Variants in HSPA9 observed in about 807,000 individuals in gnomAD.
HSPA9 encodes stress-70 protein, mitochondrial.
A neutral mutation model predicts 81.5 loss-of-function variants in HSPA9; 28 were observed. That is an observed-to-expected ratio of 0.34 (90% CI 0.25 to 0.47). The LOEUF is 0.47. HSPA9 is among the 20% of genes least tolerant of loss of function. HSPA9 has a pLI of 1.00. For missense variants in HSPA9, 678 were observed against 838.0 expected, an observed-to-expected ratio of 0.81 and a Z score of 2.36; for synonymous variants, 293 against 290.4, an observed-to-expected ratio of 1.01 and a Z score of -0.09.
rs764444308 is a variant in HSPA9, at chr5:138,575,209, C to A, written c.81+29G>T. On this transcript the variant is annotated intron_variant, in intron 1 of 16. Coordinates refer to ENST00000297185, the MANE Select transcript of HSPA9 (RefSeq NM_004134.7). ...CGAGGCCCAAGGCCCGAGGCCGTGA[C>A]CCCATTCGGGAAGGTCCCAGTTCCT... 3.9e-6 allele frequency: 6 copies of A among 1,533,388 alleles called. No individual in the cohort carries two copies. The South Asian group carries it at 7.0e-5, about 18-fold the overall frequency. The allele number at this position is 1,533,388 out of a possible 1,614,324, so 95.0% of individuals were successfully genotyped here. A position where few individuals can be genotyped will look rare whatever the true frequency, so the allele number is the denominator to read the frequency against.
intron 9 of HSPA9, among the ~76,000 whole-genome samples, chr5:138,562,987 T>G (rs570449535): frequency 6.6e-6 from 1 of 152,344 alleles, no homozygotes; most frequent in East Asian, 1.9e-4. Context: ...CATGGGATCT[T>G]ACAGTGTGTA....
Position 138,556,937 on chromosome 5 carries a change from C to T in HSPA9, c.1729-71G>A, listed in dbSNP as rs1561856320. ...AGTTTGCTGAATGTCTATACTCAGA[C>T]AATAAGCTATGTGTTACATACAGTT... On this transcript the variant is annotated intron_variant, in intron 14 of 16. Transcript: ENST00000297185. 2.0e-5 allele frequency: 20 copies of T among 1,011,354 alleles called. No individual in the cohort carries two copies. In the South Asian group the frequency reaches 2.2e-4, roughly 11 times the overall value. The allele number at this position is 1,011,354 out of a possible 1,614,324, so 62.6% of individuals were successfully genotyped here. A position where few individuals can be genotyped will look rare whatever the true frequency, so the allele number is the denominator to read the frequency against.
At chr5:138,561,921 T>A (rs1750668625) in intron 9 of HSPA9, 132 bp from the exon 10 acceptor site, 1 of 751,592 alleles carries the variant, frequency 1.3e-6, no homozygotes, top group Non-Finnish European at 2.4e-6. Context: ...AGATCTAATT[T>A]AAATGAATAG....
intron 9 of HSPA9, among the ~76,000 whole-genome samples, chr5:138,566,162 T>C (rs1281732042): frequency 8.4e-6 from 1 of 119,470 alleles, no homozygotes; most frequent in Non-Finnish European, 1.6e-5. Flanking sequence ...CACTGTAGCC[T>C]GGGCAACAGG....
intron 9 of HSPA9, among the ~76,000 whole-genome samples, chr5:138,563,817 A>G (rs181662025): frequency 5.5e-4 from 84 of 152,370 alleles, no homozygotes; most frequent in African/African-American, 1.9e-3. Flanking sequence ...GTATTTTAAG[A>G]AAGTTTACAA....
At chr5:138,563,074 C>T (rs1262536640) in intron 9 of HSPA9, among the ~76,000 whole-genome samples, 1 of 152,214 alleles carries the variant, frequency 6.6e-6, no homozygotes, top group Non-Finnish European at 1.5e-5. Context: ...ATAGAGTTAA[C>T]ACACCATCTG....
At chr5:138,561,312 A>G (rs765241432) in intron 10 of HSPA9, among the ~76,000 whole-genome samples, 7 of 152,020 alleles carry the variant, frequency 4.6e-5, no homozygotes, top group Non-Finnish European at 7.4e-5. Context: ...TCATACATAC[A>G]TACATACATA....
At chr5:138,568,716 A>G (rs1022704480) in intron 5 of HSPA9, among the ~76,000 whole-genome samples, 3 of 152,202 alleles carry the variant, frequency 2.0e-5, no homozygotes, top group South Asian at 2.1e-4. Flanking sequence ...ACTGGAAAAA[A>G]AGAAACAAGC....
chr5:138,564,340 G>T (rs745910933), intron 9 of HSPA9, among the ~76,000 whole-genome samples: 1 of 152,238 alleles, frequency 6.6e-6, no homozygotes, highest in Non-Finnish European at 1.5e-5. Flanking sequence ...CTGACCTCAA[G>T]TGATTCACCG....
At chr5:138,568,883 T>A in intron 5 of HSPA9, 42 bp downstream of exon 5, 2 of 1,606,742 alleles carry the variant, frequency 1.2e-6, no homozygotes, top group Middle Eastern at 1.7e-4. Flanking sequence ...ACAGGAATCA[T>A]TGTTCTTAGA....
intron 10 of HSPA9, chr5:138,560,830 A>G (rs374029557): frequency 5.9e-5 from 25 of 425,906 alleles, no homozygotes; most frequent in African/African-American, 3.7e-4. Context: ...TTACAGGCGT[A>G]AGCCACTGTA....
intron 1 of HSPA9, 154 bp downstream of exon 1, chr5:138,575,084 C>T (rs1751058232): frequency 6.3e-6 from 4 of 630,810 alleles, no homozygotes; most frequent in South Asian, 1.9e-5. Flanking sequence ...AATCTTGACC[C>T]GGCAGCGCTA....
chr5:138,557,349 T>C (rs1750550688), intron 14 of HSPA9, 53 bp downstream of exon 14: 6 of 1,252,086 alleles, frequency 4.8e-6, no homozygotes, highest in South Asian at 3.7e-5. Flanking sequence ...AAACTCCCAC[T>C]GTCAAGACTG....
chr5:138,567,482 T>C lies in HSPA9; in HGVS notation c.689A>G (p.Tyr230Cys). The C allele has an allele frequency of 6.2e-7, 1 of 1,613,922 alleles. No individual in the cohort carries two copies. The change falls in exon 7 of 17, where the codon TAT becomes TGT. Residue 230 changes from tyrosine (Y) to cysteine (C), a missense_variant. Transcript: ENST00000297185. ...INEPTAAALA[Y>C]GLDKSEDKVI... is the part of the protein sequence containing the mutation. ...TTTGTCTTCTGATTTGTCTAGACCA[T>C]AGGCAAGAGCAGCAGCTGTGGGCTC...
At position 138,568,964 on chromosome 5, in the gene HSPA9, T is replaced by A. The variant is rs1750823075; in HGVS notation, c.496A>T (p.Ile166Phe). The A allele has an allele frequency of 6.2e-7, 1 of 1,613,860 alleles. No homozygotes were observed. The highest frequency in any genetic ancestry group is 1.3e-5 in the African/African-American group (1 of 74,906). Residue 166 changes from isoleucine (I) to phenylalanine (F), a missense_variant, in exon 5 of 17, where the codon ATT (isoleucine) becomes TTT (phenylalanine). Transcript: ENST00000297185. The stretch of plus-strand genomic sequence containing the variant: ...ATCTTCATCAACACAAATGCTCCAA[T>A]CTGACTCGGAGAATACAATTTCCCA... ...AHGKLYSPSQ[I>F]GAFVLMKMKE... is the part of the protein sequence containing the mutation.
In HSPA9 at chr5:138,557,056, A is replaced by G. The variant is rs2127152691; in HGVS notation, c.1729-190T>C. The G allele has an allele frequency of 4.7e-6, 3 of 640,128 alleles. No individual in the cohort carries two copies. In the East Asian group the frequency reaches 8.2e-5, roughly 18 times the overall value. The allele number at this position is 640,128 out of a possible 1,614,324, so 39.7% of individuals were successfully genotyped here. ...GATTTGGGCTAGATTTTGTAACATCAGAATTGTGACAGGGAAAACAGAAGA... is the reference window on the plus strand; with the variant it reads ...GATTTGGGCTAGATTTTGTAACATCGGAATTGTGACAGGGAAAACAGAAGA... On this transcript the variant is annotated intron_variant, in intron 14 of 16. Transcript: ENST00000297185.
chr5:138,570,130 G>A (rs1308571432), intron 4 of HSPA9, among the ~76,000 whole-genome samples: 1 of 151,976 alleles, frequency 6.6e-6, no homozygotes, highest in Non-Finnish European at 1.5e-5. Context: ...CTCCCAAAGT[G>A]TTAGGATTAC....
rs1462237389 is a variant in HSPA9, at chr5:138,566,985, C to T, written c.879+16G>A. The T allele has an allele frequency of 4.4e-6, 7 of 1,582,580 alleles. No individual in the cohort carries two copies. The South Asian group carries it at 5.5e-5, about 12-fold the overall frequency. Reference sequence around the variant, plus strand: ...AATATCCCAACGTCTACATATTAACCACATTGGTAACTCACCTCTCTCTTG... The same window carrying T: ...AATATCCCAACGTCTACATATTAACTACATTGGTAACTCACCTCTCTCTTG... On this transcript the variant is annotated intron_variant, in intron 8 of 16. Transcript: ENST00000297185.
At chr5:138,562,568 A>G (rs919718593) in intron 9 of HSPA9, among the ~76,000 whole-genome samples, 5 of 152,200 alleles carry the variant, frequency 3.3e-5, no homozygotes, top group Non-Finnish European at 7.4e-5. Flanking sequence ...ACAAAAAAAC[A>G]ATGTTTTATC....
Sources: gnomAD v4.1 joint callset for allele counts (sites outside exome capture counted in the v4.1 genomes callset) on GRCh38, gnomAD v4.1.1 for gene constraint, MANE v1.5 for transcripts, NCBI Gene and HGNC (gene_info 2026-07-23, HGNC 2026-07-21) for gene names.